TRPM5: variants seen among roughly 807,000 people sequenced by gnomAD.
TRPM5 encodes MLSN1 and TRP-related.
Under a neutral mutation model 124.9 loss-of-function variants are expected in TRPM5, and 121 were observed. That is an observed-to-expected ratio of 0.97 (90% CI 0.84 to 1.13). TRPM5 has a LOEUF of 1.13. TRPM5 is among the 50% of genes most tolerant of loss of function. The pLI, the probability that TRPM5 is intolerant of heterozygous loss-of-function variation, is 0.00. For missense variants in TRPM5, 1,643 were observed against 1,589.1 expected, an observed-to-expected ratio of 1.03 and a Z score of -0.58; for synonymous variants, 781 against 700.5, an observed-to-expected ratio of 1.11 and a Z score of -1.81.
chr11:2,432,520 C>T, the TRPM5 span, among the ~76,000 whole-genome samples: 4 of 152,218 alleles, frequency 2.6e-5, no homozygotes, highest in African/African-American at 9.6e-5. Context: ...CAGAAGCTGA[C>T]CCCAGTGTCC....
At chr11:2,419,910 C>G (rs1845743715) in intron 4 of TRPM5, among the ~76,000 whole-genome samples, 1 of 151,274 alleles carries the variant, frequency 6.6e-6, no homozygotes, top group Non-Finnish European at 1.5e-5. Flanking sequence ...TCTTAGAGTC[C>G]CGGAGCCTCT....
At position 2,411,339 on chromosome 11, in the gene TRPM5, G is replaced by C. The variant is rs768776686; in HGVS notation, c.2782+13C>G. ...TTTCTCCCTGCCCCTGCCCCCGCTG[G>C]CTGTGTGCAAACCATCAATCTCGTC... On this transcript the variant is annotated intron_variant, in intron 18 of 23. Coordinates refer to ENST00000155858, the Ensembl canonical transcript of TRPM5. The C allele has an allele frequency of 6.4e-7, 1 of 1,571,974 alleles. No individual in the cohort carries two copies. Among genetic ancestry groups the C allele is most frequent in the South Asian group, 1.1e-5 (1 of 87,988 alleles).
At position 2,420,288 on chromosome 11, in the gene TRPM5, C is replaced by T. The variant is rs375576205; in HGVS notation, c.583G>A (p.Asp195Asn). 5.0e-6 allele frequency: 8 copies of T among 1,612,308 alleles called. No homozygotes were observed. The highest frequency in any genetic ancestry group is 3.3e-5 in the South Asian group (3 of 91,094). Residue 195 changes from aspartate (D) to asparagine (N), a missense_variant, in exon 4 of 24, where the codon GAT becomes AAT. By Grantham distance (23) the Asp-to-Asn change is conservative (BLOSUM62 1). Transcript: ENST00000155858. ...CTCAGCCGCAGCTCCGTCAGCCCAT[C>T]GCCCTTCCCCGGGGGGCCTGGCTCC...
At position 2,418,600 on chromosome 11, in the gene TRPM5, AG is replaced by A; in HGVS notation, c.650-10del. On this transcript the variant is annotated splice_polypyrimidine_tract_variant and intron_variant, in intron 4 of 23. Transcript: ENST00000155858. ...CTCGATGCTGCCAGTGCCTGTGGAC[AG>A]GGCACCCGTGAGGCCTGAGGACCCT... The A allele has an allele frequency of 6.2e-7, 1 of 1,609,600 alleles. No individual in the cohort carries two copies. The highest frequency in any genetic ancestry group is 8.5e-7 in the Non-Finnish European group (1 of 1,178,610).
exon 22 of TRPM5, chr11:2,406,025 C>G: frequency 6.2e-7 from 1 of 1,611,672 alleles, no homozygotes; most frequent in South Asian, 1.1e-5. Flanking sequence ...TTGCCTGTGA[C>G]TCCAGACACT....
chr11:2,422,012 G>T lies in TRPM5; in HGVS notation c.298+129C>A, dbSNP rs557694359. ...GGTGGGAGCATTGCCTGTGCCGGGT[G>T]GGGGGACAGTCAGGGGGTCTGGCTG... On this transcript the variant is annotated intron_variant, in intron 2 of 23. Coordinates refer to ENST00000155858, the Ensembl canonical transcript of TRPM5. 4 of 890,938 alleles carry T rather than the reference G, an allele frequency of 4.5e-6. No individual in the cohort carries two copies. The South Asian group carries it at 5.4e-5, about 12-fold the overall frequency. The allele number at this position is 890,938 out of a possible 1,614,324, so 55.2% of individuals were successfully genotyped here.
At chr11:2,427,257 G>A (rs568665330), upstream of TRPM5, among the ~76,000 whole-genome samples, 1 of 152,336 alleles carries the variant, frequency 6.6e-6, no homozygotes, top group South Asian at 2.1e-4. Context: ...TCCCACCTGG[G>A]AGGAGGAGGT....
intron 13 of TRPM5, 88 bp downstream of exon 18, chr11:2,413,388 C>T: frequency 7.3e-7 from 1 of 1,363,398 alleles, no homozygotes; most frequent in Non-Finnish European, 1.0e-6. Flanking sequence ...AGGCTACCAC[C>T]AGCACCTGCG....
exon 18 of TRPM5, chr11:2,411,440 A>T (rs764554351): frequency 1.2e-6 from 2 of 1,612,354 alleles, no homozygotes; most frequent in South Asian, 2.2e-5. Flanking sequence ...GGCGGCCGTC[A>T]TGGGGGTGCA....
chr11:2,428,917 G>A, the TRPM5 span, among the ~76,000 whole-genome samples: 4 of 136,146 alleles, frequency 2.9e-5, no homozygotes, highest in Non-Finnish European at 6.1e-5. The surrounding 1 kb of genome is among the most constrained non-coding windows in gnomAD (Gnocchi z 4.0). Context: ...TGGTATTGGT[G>A]TTGGTGATGG....
chr11:2,429,287 G>A, the TRPM5 span, among the ~76,000 whole-genome samples: 1 of 151,406 alleles, frequency 6.6e-6, no homozygotes, highest in Middle Eastern at 3.5e-3. This position sits in a 1 kb window ranked among gnomAD's most constrained non-coding sequence, Gnocchi z 8.4. Context: ...GATGATAGTG[G>A]TGGTGGTTGT....
chr11:2,405,471 G>T, intron 23 of TRPM5, 56 bp downstream of exon 28: 1 of 1,512,100 alleles, frequency 6.6e-7, no homozygotes, highest in Non-Finnish European at 9.0e-7. Flanking sequence ...CCCCCCAGCC[G>T]CTGCAGAGTG....
Position 2,406,169 on chromosome 11 carries a change from GCC to G in TRPM5, c.3252-80_3252-79del. On this transcript the variant is annotated intron_variant, in intron 21 of 23. Transcript: ENST00000155858. ...GTGGGGAGCCTCCCCATCCCCCCAG[GCC>G]TCCCTGTGTGCCCGAGTTTGGGGTG... 2.6e-6 allele frequency: 4 copies of G among 1,523,710 alleles called. No homozygotes were observed. In the South Asian group the frequency reaches 4.5e-5, roughly 17 times the overall value. 94.4% of individuals were successfully genotyped at this position (1,523,710 alleles called of 1,614,324 possible). A position where few individuals can be genotyped will look rare whatever the true frequency, so the allele number is the denominator to read the frequency against.
At chr11:2,441,524 C>A in the TRPM5 span, among the ~76,000 whole-genome samples, 69 of 152,148 alleles carry the variant, frequency 4.5e-4, no homozygotes, top group African/African-American at 1.6e-3. The surrounding 1 kb of genome is among the most constrained non-coding windows in gnomAD (Gnocchi z 7.2). Context: ...CCTTCAGCTC[C>A]TTGGAGCTTG....
At position 2,405,970 on chromosome 11, in the gene TRPM5, C is replaced by T. The variant is rs998541470; in HGVS notation, c.3324+49G>A. 7.1e-6 allele frequency: 11 copies of T among 1,545,572 alleles called. No homozygotes were observed. In the African/African-American group the frequency reaches 8.1e-5, roughly 11 times the overall value. Reference sequence around the variant, plus strand: ...CTGTGGACCCATCCCAGTAGCCCCACGCAGCCACCCGCCTCCCATCAGGGA... The same window carrying T: ...CTGTGGACCCATCCCAGTAGCCCCATGCAGCCACCCGCCTCCCATCAGGGA... On this transcript the variant is annotated intron_variant, in intron 22 of 23. Transcript: ENST00000155858.
chr11:2,411,716 G>A (rs757817527), exon 17 of TRPM5: 2 of 1,612,812 alleles, frequency 1.2e-6, no homozygotes, highest in Admixed American at 1.7e-5. Context: ...TGAACACCAT[G>A]AAGTCCATGG....
exon 24 of TRPM5, chr11:2,404,838 C>T (rs1420745491): frequency 2.0e-6 from 2 of 1,002,322 alleles, no homozygotes; most frequent in African/African-American, 1.6e-5. Flanking sequence ...GGGCTGGTGC[C>T]CCCTGGGGGG....
the TRPM5 span, among the ~76,000 whole-genome samples, chr11:2,431,983 T>A: frequency 2.6e-5 from 4 of 151,972 alleles, no homozygotes; most frequent in Non-Finnish European, 5.9e-5. Flanking sequence ...AATCAATGGG[T>A]GAGTGTCCAG....
At chr11:2,405,787 A>G (rs945916489) in intron 22 of TRPM5, among the ~76,000 whole-genome samples, 194 bp from the exon 28 acceptor site, 1 of 152,098 alleles carries the variant, frequency 6.6e-6, no homozygotes, top group Non-Finnish European at 1.5e-5. Flanking sequence ...GGGGTCTTCA[A>G]TGTGAGACCC....
Sources: gnomAD v4.1 joint callset for allele counts (sites outside exome capture counted in the v4.1 genomes callset) on GRCh38, gnomAD v4.1.1 for gene constraint, Gnocchi (gnomAD v3.1) non-coding constraint, MANE v1.5 for transcripts, NCBI Gene and HGNC (gene_info 2026-07-23, HGNC 2026-07-21) for gene names.